The following ARHGEF3 variants were observed in gnomAD, a reference collection of about 807,000 sequenced individuals.
ARHGEF3 encodes Rho guanine nucleotide exchange factor 3.
ARHGEF3 carries 28 observed loss-of-function variants against 63.2 expected under a neutral mutation model. That is an observed-to-expected ratio of 0.44 (90% CI 0.33 to 0.61). The LOEUF (loss-of-function observed/expected upper bound fraction) is 0.61. Ranked by LOEUF, ARHGEF3 falls within the 20% of genes least tolerant of loss-of-function variation. ARHGEF3 has a pLI of 0.03. For synonymous variants in ARHGEF3, 266 were observed against 254.2 expected, an observed-to-expected ratio of 1.05 and a Z score of -0.44; for missense variants, 533 against 659.3, an observed-to-expected ratio of 0.81 and a Z score of 2.10.
intron 3 of ARHGEF3, among the ~76,000 whole-genome samples, chr3:56,927,097 T>C (rs562947146): frequency 6.6e-6 from 1 of 152,346 alleles, no homozygotes; most frequent in African/African-American, 2.4e-5. Flanking sequence ...TGGGTTCAAA[T>C]CCCAGTGCTG....
chr3:56,762,818 A>C (rs916321269), intron 2 of ARHGEF3, among the ~76,000 whole-genome samples: 1 of 152,168 alleles, frequency 6.6e-6, no homozygotes. Flanking sequence ...AATGTACAGC[A>C]ATAATGGCCA....
intron 2 of ARHGEF3, among the ~76,000 whole-genome samples, chr3:57,001,655 T>C (rs1259252745): frequency 6.6e-6 from 1 of 152,166 alleles, no homozygotes; most frequent in African/African-American, 2.4e-5. Context: ...TCTCCTTCCT[T>C]CTTCCTGCTG....
intron 3 of ARHGEF3, among the ~76,000 whole-genome samples, chr3:56,905,959 G>A (rs1375640175): frequency 6.6e-6 from 1 of 152,074 alleles, no homozygotes. Context: ...CAGCCTCCAG[G>A]GTTCAAGCAT....
In ARHGEF3 at chr3:56,729,118, CTAGGGACAAAGG is replaced by C. The variant is rs2032919627; in HGVS notation, c.*140_*151del. The C allele has an allele frequency of 1.5e-6, 1 of 664,132 alleles. No homozygotes were observed. The highest frequency in any genetic ancestry group is 2.0e-5 in the South Asian group (1 of 50,852). The allele number at this position is 664,132 out of a possible 1,614,324, so 41.1% of individuals were successfully genotyped here. ...CACAGACAGATTGGCAGTTACAGTACTAGGGACAAAGGTACAGATACGAGAGACTGGGCCAAC... is the reference window on the plus strand; with the variant it reads ...CACAGACAGATTGGCAGTTACAGTACTACAGATACGAGAGACTGGGCCAAC... On this transcript the variant is annotated 3_prime_UTR_variant, in exon 10 of 10. Coordinates refer to ENST00000296315, the MANE Select transcript of ARHGEF3 (RefSeq NM_019555.3).
rs536570664 is a variant in ARHGEF3 at position 56,855,044 on chromosome 3, CTGG to C, written c.192+27245_192+27247del. 5.9e-5 allele frequency among the ~76,000 whole-genome samples: 9 copies of C among 152,150 alleles called. No individual in the cohort carries two copies. In the South Asian group the frequency reaches 1.9e-3, roughly 32 times the overall value. The stretch of plus-strand genomic sequence containing the variant: ...TCACTAGATATGGCCATGGCAAGAC[CTGG>C]TGGCCAAGGCAGTTGAGTCACTTAT... On this transcript the variant is annotated intron_variant, in intron 4 of 12. Transcript: ENST00000338458.
At chr3:56,733,280 C>A (rs576148288) in intron 8 of ARHGEF3, among the ~76,000 whole-genome samples, 60 of 91,136 alleles carry the variant, frequency 6.6e-4, no homozygotes, top group Non-Finnish European at 9.6e-4. Context: ...GAGACTCCAT[C>A]TAAAAAAAAA....
intron 1 of ARHGEF3, among the ~76,000 whole-genome samples, chr3:56,793,396 C>T (rs1462791578): frequency 6.6e-6 from 1 of 152,178 alleles, no homozygotes; most frequent in African/African-American, 2.4e-5. Context: ...GTCTCGATCT[C>T]CTGACCTCAT....
intron 2 of ARHGEF3, among the ~76,000 whole-genome samples, chr3:56,773,332 C>T (rs1455631437): frequency 6.6e-6 from 1 of 152,068 alleles, no homozygotes; most frequent in Non-Finnish European, 1.5e-5. Flanking sequence ...TTTTCTCCAC[C>T]CAATGCAGTT....
chr3:56,779,961 C>T (rs6785604), intron 1 of ARHGEF3, among the ~76,000 whole-genome samples: 9 of 152,238 alleles, frequency 5.9e-5, no homozygotes, highest in Non-Finnish European at 8.8e-5. Flanking sequence ...AGGTGCTGGG[C>T]GAAGAGCTTT....
rs34176219 is a variant in ARHGEF3 at position 56,782,649 on chromosome 3, T to TAA, written c.97-8835_97-8834dup. Among the ~76,000 whole-genome samples, 45 of 141,476 alleles carry TAA rather than the reference T, an allele frequency of 3.2e-4. No homozygotes were observed. In the East Asian group the frequency reaches 8.4e-3, roughly 26 times the overall value. 92.8% of individuals were successfully genotyped at this position (141,476 alleles called of 152,430 possible). ...GAGGAAAAGATCCCAATTTCCTTCT[T>TAA]AAAAAAAAAAAAAAAGCTGGGGTTT... On this transcript the variant is annotated intron_variant, in intron 1 of 9. Coordinates refer to ENST00000296315, the MANE Select transcript of ARHGEF3 (RefSeq NM_019555.3).
At chr3:56,910,103 A>C (rs900361988) in intron 3 of ARHGEF3, among the ~76,000 whole-genome samples, 1 of 152,176 alleles carries the variant, frequency 6.6e-6, no homozygotes, top group Non-Finnish European at 1.5e-5. Context: ...GGTAGCTGTT[A>C]CTCAGCAAAA....
intron 1 of ARHGEF3, among the ~76,000 whole-genome samples, chr3:56,794,934 T>A (rs1248730926): frequency 6.6e-6 from 1 of 152,120 alleles, no homozygotes; most frequent in Non-Finnish European, 1.5e-5. Context: ...TCTCAGCTCA[T>A]TGCAGCCTCA....
chr3:56,945,842 C>T (rs977850268), intron 3 of ARHGEF3, among the ~76,000 whole-genome samples: 1 of 152,166 alleles, frequency 6.6e-6, no homozygotes, highest in Non-Finnish European at 1.5e-5. Context: ...CAAGTGGGTC[C>T]CTGACCCCCG....
intron 2 of ARHGEF3, among the ~76,000 whole-genome samples, chr3:57,002,064 C>CA (rs1420510474): frequency 1.3e-5 from 2 of 151,734 alleles, no homozygotes; most frequent in African/African-American, 4.8e-5. Flanking sequence ...GCTGGGACTA[C>CA]AGGCGCCCAC....
chr3:57,010,683 T>A (rs1420994210), intron 2 of ARHGEF3, among the ~76,000 whole-genome samples: 1 of 152,112 alleles, frequency 6.6e-6, no homozygotes, highest in Admixed American at 6.6e-5. Context: ...CTGTTCACAG[T>A]CAAAGTGTCT....
At chr3:56,827,944 CAAAAAAAAA>C (rs11462683) in intron 4 of ARHGEF3, among the ~76,000 whole-genome samples, 21 of 33,808 alleles carry the variant, frequency 6.2e-4, no homozygotes, top group South Asian at 2.6e-3. Context: ...GATTCTGTCT[CAAAAAAAAA>C]AAAAAAAAAA....
At chr3:57,063,767 A>T (rs1447112098) in intron 1 of ARHGEF3, among the ~76,000 whole-genome samples, 1 of 152,156 alleles carries the variant, frequency 6.6e-6, no homozygotes, top group Non-Finnish European at 1.5e-5. Flanking sequence ...GCAACCAGGC[A>T]CTCACTGTAG....
chr3:56,740,706 A>G (rs2033956793), intron 7 of ARHGEF3, among the ~76,000 whole-genome samples: 1 of 152,250 alleles, frequency 6.6e-6, no homozygotes, highest in African/African-American at 2.4e-5. Flanking sequence ...TTTTTAATAT[A>G]TAGTGAAATC....
At chr3:56,738,317 T>C (rs1220011912) in intron 7 of ARHGEF3, among the ~76,000 whole-genome samples, 1 of 151,758 alleles carries the variant, frequency 6.6e-6, no homozygotes, top group East Asian at 1.9e-4. Flanking sequence ...GGATTACAAG[T>C]GTGAGCCACT....
Sources: allele counts gnomAD v4.1 joint callset (sites outside exome capture counted in the v4.1 genomes callset), GRCh38; gene constraint gnomAD v4.1.1; transcripts MANE v1.5; gene names NCBI Gene and HGNC (gene_info 2026-07-23, HGNC 2026-07-21).